The following DAB1 variants were observed in gnomAD, a reference collection of about 807,000 sequenced individuals.
The protein encoded by DAB1 is DAB adaptor protein 1, also known as disabled homolog 1.
Under a neutral mutation model 64.6 loss-of-function variants are expected in DAB1, and 15 were observed. The ratio of observed to expected loss-of-function variants is 0.23; its 90% confidence interval spans 0.16 to 0.36. The LOEUF is 0.36. Ranked by LOEUF, DAB1 falls within the 10% of genes least tolerant of loss-of-function variation. DAB1 has a pLI of 1.00. For synonymous variants in DAB1, 235 were observed against 251.9 expected (o/e 0.93, Z 0.64); for missense variants, 596 against 706.7 (o/e 0.84, Z 1.78).
intron 1 of DAB1, among the ~76,000 whole-genome samples, chr1:57,826,806 T>C (rs2101900272): frequency 6.6e-6 from 1 of 152,354 alleles, no homozygotes; most frequent in Admixed American, 6.5e-5. Flanking sequence ...TCTGCCACTC[T>C]GAGGACTGGA....
chr1:57,796,152 T>C (rs1033795717), intron 6 of DAB1, among the ~76,000 whole-genome samples: 1 of 152,152 alleles, frequency 6.6e-6, no homozygotes, highest in Admixed American at 6.5e-5. Flanking sequence ...TAAGTGAAAC[T>C]AAATGTTCAA....
chr1:57,276,828 T>C (rs1161486397), intron 2 of DAB1, among the ~76,000 whole-genome samples: 1 of 152,236 alleles, frequency 6.6e-6, no homozygotes, highest in African/African-American at 2.4e-5. Flanking sequence ...TAAACTATAA[T>C]TGTTTCTTAT....
chr1:57,320,827 T>C (rs1057251472), intron 1 of DAB1, among the ~76,000 whole-genome samples: 47 of 152,122 alleles, frequency 3.1e-4, no homozygotes, highest in African/African-American at 1.1e-3. Flanking sequence ...TATCTCCACT[T>C]TACACCAAAG....
intron 2 of DAB1, among the ~76,000 whole-genome samples, chr1:57,168,187 T>TA (rs1190380628): frequency 6.6e-6 from 1 of 152,240 alleles, no homozygotes; most frequent in Admixed American, 6.5e-5. Context: ...AGTGTATTCT[T>TA]ACGTCATTCC....
intron 3 of DAB1, among the ~76,000 whole-genome samples, chr1:58,460,309 G>A (rs1421996915): frequency 1.3e-5 from 2 of 152,200 alleles, no homozygotes; most frequent in African/African-American, 4.8e-5. Flanking sequence ...ATGCACACAC[G>A]TGGGACTGGG....
intron 1 of DAB1, among the ~76,000 whole-genome samples, chr1:57,349,511 A>G (rs892457330): frequency 9.9e-5 from 15 of 152,190 alleles, no homozygotes; most frequent in South Asian, 2.1e-4. Flanking sequence ...TAAGTAAGGG[A>G]AAAAAAAGGA....
At chr1:57,803,437 G>A (rs1384065184) in intron 6 of DAB1, among the ~76,000 whole-genome samples, 2 of 152,210 alleles carry the variant, frequency 1.3e-5, no homozygotes, top group Non-Finnish European at 2.9e-5. Flanking sequence ...TACCATTGGG[G>A]AACCCATACA....
chr1:57,076,550 G>C (rs1243156830), intron 4 of DAB1, among the ~76,000 whole-genome samples: 1 of 152,160 alleles, frequency 6.6e-6, no homozygotes, highest in Non-Finnish European at 1.5e-5. Context: ...ACCTTCCTAT[G>C]CATGAACTTC....
intron 1 of DAB1, among the ~76,000 whole-genome samples, chr1:57,397,928 C>G (rs1050239772): frequency 1.3e-5 from 2 of 152,204 alleles, no homozygotes; most frequent in African/African-American, 2.4e-5. Context: ...ACTCAGTCAA[C>G]CTTTCTCATG....
chr1:57,198,410 G>A (rs1664804820), intron 2 of DAB1, among the ~76,000 whole-genome samples: 1 of 152,094 alleles, frequency 6.6e-6, no homozygotes. Flanking sequence ...ACAATATTTA[G>A]AATAAAAGTC....
At position 58,254,841 on chromosome 1, in the gene DAB1, C is replaced by G. The variant is rs866705713; in HGVS notation, n.309+88511G>C. 1.1e-4 allele frequency among the ~76,000 whole-genome samples: 9 copies of G among 80,376 alleles called. 2 individuals are homozygous for G. In the East Asian group the frequency reaches 4.9e-3, roughly 44 times the overall value. The allele number at this position is 80,376 out of a possible 152,430, so 52.7% of individuals were successfully genotyped here. On this transcript the variant is annotated intron_variant and non_coding_transcript_variant, in intron 4 of 20. Coordinates refer to the DAB1 transcript ENST00000485760. ...AAGTCTTTGCTATTGTGAATAATGC[C>G]GCAATAAACATACGTCTTTATAGCC...
At chr1:57,438,763 A>G (rs1031920321) in intron 7 of DAB1, among the ~76,000 whole-genome samples, 2 of 152,104 alleles carry the variant, frequency 1.3e-5, no homozygotes, top group Non-Finnish European at 2.9e-5. Context: ...TTAGGGAACT[A>G]TTTCCATCTT....
intron 6 of DAB1, among the ~76,000 whole-genome samples, chr1:57,784,471 G>C (rs539755161): frequency 6.6e-5 from 10 of 152,208 alleles, no homozygotes; most frequent in African/African-American, 2.4e-4. Context: ...CAAAAGAAAG[G>C]CTCTTAAAGA....
chr1:57,462,588 A>G (rs1032045289), intron 7 of DAB1, among the ~76,000 whole-genome samples: 1 of 152,188 alleles, frequency 6.6e-6, no homozygotes, highest in African/African-American at 2.4e-5. Flanking sequence ...GGTGCTTTGC[A>G]TGTATTAACT....
chr1:57,809,661 C>T (rs1171286598), intron 6 of DAB1, among the ~76,000 whole-genome samples: 1 of 152,112 alleles, frequency 6.6e-6, no homozygotes. Context: ...TGACAGTCGC[C>T]TCCTGATACA....
intron 3 of DAB1, among the ~76,000 whole-genome samples, chr1:58,485,261 G>T (rs2100358101): frequency 7.6e-6 from 1 of 131,742 alleles, no homozygotes; most frequent in Admixed American, 7.2e-5. Context: ...AAAAAAGCTG[G>T]CCTGGAAGTA....
chr1:57,972,458 G>A (rs1200263113), intron 5 of DAB1, among the ~76,000 whole-genome samples: 1 of 152,086 alleles, frequency 6.6e-6, no homozygotes, highest in Non-Finnish European at 1.5e-5. Flanking sequence ...GCCCAGGCTG[G>A]TCTCGAACTC....
chr1:58,191,695 T>C (rs1248338930), intron 4 of DAB1, among the ~76,000 whole-genome samples: 1 of 152,218 alleles, frequency 6.6e-6, no homozygotes, highest in Non-Finnish European at 1.5e-5. Context: ...GTTCTGTGCA[T>C]ATAACAACTA....
chr1:57,392,260 C>A (rs1682439064), intron 1 of DAB1, among the ~76,000 whole-genome samples: 1 of 152,172 alleles, frequency 6.6e-6, no homozygotes, highest in Admixed American at 6.6e-5. Context: ...GTAGTCCCAG[C>A]TTCTTGGGAG....
Sources: allele counts gnomAD v4.1 joint callset (sites outside exome capture counted in the v4.1 genomes callset), GRCh38; gene constraint gnomAD v4.1.1; transcripts MANE v1.5; gene names NCBI Gene and HGNC (gene_info 2026-07-23, HGNC 2026-07-21).